Variants in LRP1B observed in about 807,000 individuals in gnomAD.
LRP1B encodes the protein low-density lipoprotein receptor-related protein 1B.
Under a neutral mutation model 556.6 loss-of-function variants are expected in LRP1B, and 217 were observed. That is an observed-to-expected ratio of 0.39 (90% CI 0.35 to 0.44). LRP1B has a LOEUF of 0.44. LRP1B is among the 20% of genes least tolerant of loss of function. The probability of loss-of-function intolerance (pLI) is 1.00; values close to 1 mark genes in which losing one functional copy is unlikely to be tolerated. For synonymous variants in LRP1B, 2,047 were observed against 1,865.8 expected (o/e 1.10, Z -2.50); for missense variants, 5,053 against 5,620.8 (o/e 0.90, Z 3.23).
intron 1 of LRP1B, among the ~76,000 whole-genome samples, chr2:141,813,329 A>C (rs975437331): frequency 6.6e-6 from 1 of 152,130 alleles, no homozygotes; most frequent in Non-Finnish European, 1.5e-5. Context: ...GTATGGAGGC[A>C]GGTACATTTT....
In LRP1B at chr2:140,636,576, C is replaced by A. The variant is rs539313306; in HGVS notation, c.6800-34937G>T. ...AATCTCATTGTCTATTCTTTAGCAGCTCATGTATCTCAGTCACTATATTGT... is the reference window on the plus strand; with the variant it reads ...AATCTCATTGTCTATTCTTTAGCAGATCATGTATCTCAGTCACTATATTGT... On this transcript the variant is annotated intron_variant, in intron 41 of 90. Coordinates refer to ENST00000389484, the MANE Select transcript of LRP1B (RefSeq NM_018557.3). Among the ~76,000 whole-genome samples the A allele has an allele frequency of 2.0e-5, 3 of 152,182 alleles. No homozygotes were observed. The South Asian group carries it at 6.2e-4, about 32-fold the overall frequency.
At chr2:140,664,254 T>C (rs1263949974) in intron 41 of LRP1B, among the ~76,000 whole-genome samples, 2 of 152,096 alleles carry the variant, frequency 1.3e-5, no homozygotes, top group Non-Finnish European at 2.9e-5. Context: ...ATTGGAAAAA[T>C]AGTGCCAACA....
chr2:141,244,151 C>T (rs1412898902), intron 5 of LRP1B, among the ~76,000 whole-genome samples: 2 of 152,180 alleles, frequency 1.3e-5, no homozygotes, highest in African/African-American at 2.4e-5. Flanking sequence ...AACTCTGCCT[C>T]TCTCTGCCGT....
chr2:141,256,742 A>G (rs760620649), intron 3 of LRP1B, among the ~76,000 whole-genome samples: 72 of 152,102 alleles, frequency 4.7e-4, no homozygotes, highest in Non-Finnish European at 8.5e-4. Context: ...TTTGTCTTTG[A>G]TTATGTTTAG....
chr2:141,515,815 T>C (rs1684294755), intron 2 of LRP1B, among the ~76,000 whole-genome samples: 1 of 152,092 alleles, frequency 6.6e-6, no homozygotes, highest in Non-Finnish European at 1.5e-5. Flanking sequence ...TGTTAATGAG[T>C]GAGAAGTAAC....
At chr2:141,206,295 C>A (rs1048837858) in intron 6 of LRP1B, among the ~76,000 whole-genome samples, 2 of 152,012 alleles carry the variant, frequency 1.3e-5, no homozygotes, top group Admixed American at 6.6e-5. Context: ...CTATTAAGAA[C>A]GAATTGCCGG....
intron 1 of LRP1B, among the ~76,000 whole-genome samples, chr2:141,811,849 T>A (rs1396885426): frequency 6.6e-6 from 1 of 152,038 alleles, no homozygotes; most frequent in Non-Finnish European, 1.5e-5. Flanking sequence ...TAGTTGTGTC[T>A]ACAGATCTCA....
chr2:141,170,575 G>A (rs1680461145), intron 7 of LRP1B, among the ~76,000 whole-genome samples: 1 of 151,992 alleles, frequency 6.6e-6, no homozygotes, highest in Admixed American at 6.6e-5. Flanking sequence ...ATTAACAAGG[G>A]CTGACTAGGC....
rs1250570007 is a variant in LRP1B at position 140,474,424 on chromosome 2, T to C, written c.9625+714A>G. On this transcript the variant is annotated intron_variant, in intron 60 of 90. Coordinates refer to ENST00000389484, the MANE Select transcript of LRP1B (RefSeq NM_018557.3). ...TAACATGCAGACTTTATTTGGGACCTCGCTTTGAAACTCTTATTTTAAGTG... is the reference window on the plus strand; with the variant it reads ...TAACATGCAGACTTTATTTGGGACCCCGCTTTGAAACTCTTATTTTAAGTG... Among the ~76,000 whole-genome samples, 3 of 151,896 alleles carry C rather than the reference T, an allele frequency of 2.0e-5. No homozygotes were observed. In the East Asian group the frequency reaches 5.8e-4, roughly 29 times the overall value.
chr2:142,113,714 A>G (rs570365235), intron 1 of LRP1B, among the ~76,000 whole-genome samples: 1 of 152,226 alleles, frequency 6.6e-6, no homozygotes, highest in African/African-American at 2.4e-5. Flanking sequence ...ACTTGTTTTT[A>G]TTCAAAGCAA....
chr2:140,958,944 G>A (rs982082614), intron 18 of LRP1B, among the ~76,000 whole-genome samples: 4 of 151,418 alleles, frequency 2.6e-5, no homozygotes, highest in Non-Finnish European at 5.9e-5. Flanking sequence ...AATATAAGAG[G>A]GAAATCAAGA....
At chr2:141,234,987 A>T (rs1299340027) in intron 5 of LRP1B, among the ~76,000 whole-genome samples, 1 of 146,152 alleles carries the variant, frequency 6.8e-6, no homozygotes, top group Non-Finnish European at 1.5e-5. Flanking sequence ...TTCATTCCTT[A>T]ACTATTTTTT....
At chr2:141,839,462 T>C (rs1697394462) in intron 1 of LRP1B, among the ~76,000 whole-genome samples, 1 of 152,210 alleles carries the variant, frequency 6.6e-6, no homozygotes, top group South Asian at 2.1e-4. Flanking sequence ...TCATTCCAAA[T>C]TAATTTAGAT....
chr2:141,405,955 G>C (rs1690617502), intron 3 of LRP1B, among the ~76,000 whole-genome samples: 1 of 151,952 alleles, frequency 6.6e-6, no homozygotes, highest in African/African-American at 2.4e-5. Flanking sequence ...AGTAGCATTT[G>C]TATGTATTTT....
chr2:141,829,846 A>T (rs1461388113), intron 1 of LRP1B, among the ~76,000 whole-genome samples: 10 of 152,058 alleles, frequency 6.6e-5, no homozygotes. Flanking sequence ...TTATGCCTCA[A>T]CTAAATATTC....
At chr2:141,317,829 C>A (rs1559001149) in intron 3 of LRP1B, among the ~76,000 whole-genome samples, 1 of 152,010 alleles carries the variant, frequency 6.6e-6, no homozygotes, top group Non-Finnish European at 1.5e-5. Flanking sequence ...AATAACCCAG[C>A]ACAGAGCTTG....
At chr2:140,343,453 A>G (rs1483796073) in intron 77 of LRP1B, among the ~76,000 whole-genome samples, 1 of 151,658 alleles carries the variant, frequency 6.6e-6, no homozygotes, top group African/African-American at 2.4e-5. Flanking sequence ...GACCGCTAAG[A>G]CATTATTTGC....
intron 87 of LRP1B, among the ~76,000 whole-genome samples, chr2:140,244,423 G>A (rs537082586): frequency 4.6e-5 from 7 of 150,848 alleles, no homozygotes; most frequent in Admixed American, 6.6e-5. Context: ...TAATTTCAGC[G>A]GATACAACAA....
intron 41 of LRP1B, among the ~76,000 whole-genome samples, chr2:140,697,329 C>G (rs1356444101): frequency 2.0e-5 from 3 of 152,038 alleles, no homozygotes; most frequent in African/African-American, 4.8e-5. Context: ...CACTCACAAC[C>G]CTTACAGTTC....
Sources: gnomAD v4.1 joint callset for allele counts (sites outside exome capture counted in the v4.1 genomes callset) on GRCh38, gnomAD v4.1.1 for gene constraint, MANE v1.5 for transcripts, NCBI Gene and HGNC (gene_info 2026-07-23, HGNC 2026-07-21) for gene names.